CFAP47: variants seen among roughly 807,000 people sequenced by gnomAD.
CFAP47 encodes cilia and flagella associated protein 47, also known as cilia- and flagella-associated protein 47.
In CFAP47, 29 loss-of-function variants were observed where a neutral mutation model predicts 148.1. The observed-to-expected ratio is 0.20, with a 90% confidence interval of 0.15 to 0.27. The LOEUF (loss-of-function observed/expected upper bound fraction) is 0.27. Ranked by LOEUF, CFAP47 falls within the 10% of genes least tolerant of loss-of-function variation. The pLI, the probability that CFAP47 is intolerant of heterozygous loss-of-function variation, is 1.00. For missense variants in CFAP47, 1,872 were observed against 1,697.5 expected, an observed-to-expected ratio of 1.10 and a Z score of -1.81; for synonymous variants, 664 against 577.3, an observed-to-expected ratio of 1.15 and a Z score of -2.15.
intron 42 of CFAP47, among the ~76,000 whole-genome samples, chrX:36,196,401 C>T (rs1280730686): frequency 5.4e-5 from 6 of 110,783 alleles, no homozygotes; most frequent in African/African-American, 9.8e-5. Context: ...GGGAAAGATC[C>T]GAACCCAAAA....
At chrX:36,246,859 C>T (rs1466712695) in intron 48 of CFAP47, among the ~76,000 whole-genome samples, 1 of 111,307 alleles carries the variant, frequency 9.0e-6, no homozygotes, top group Admixed American at 9.6e-5. Flanking sequence ...CTTTGGGTAG[C>T]ATTTTGGAGA....
intron 48 of CFAP47, among the ~76,000 whole-genome samples, chrX:36,240,132 G>A: frequency 8.9e-6 from 1 of 111,780 alleles, no homozygotes; most frequent in Admixed American, 9.5e-5. Context: ...CAAACCATTA[G>A]GAGGGGATGA....
intron 61 of CFAP47, among the ~76,000 whole-genome samples, chrX:36,365,333 A>T (rs2146993477): frequency 9.0e-6 from 1 of 110,730 alleles, no homozygotes; most frequent in Admixed American, 9.7e-5. Flanking sequence ...ACATTTTAAA[A>T]TTTTACTCCC....
intron 22 of CFAP47, among the ~76,000 whole-genome samples, chrX:36,028,584 C>T (rs1426350638): frequency 9.0e-6 from 1 of 110,836 alleles, no homozygotes; most frequent in Non-Finnish European, 1.9e-5. Flanking sequence ...TCTTTTACTT[C>T]CTTGGTTAGT....
At chrX:36,279,779 A>T (rs1201433170) in intron 49 of CFAP47, among the ~76,000 whole-genome samples, 1 of 111,156 alleles carries the variant, frequency 9.0e-6, no homozygotes, top group East Asian at 2.8e-4. Context: ...ATCTCAGCTC[A>T]CTGCAACTTC....
intron 4 of CFAP47, among the ~76,000 whole-genome samples, 160 bp from the exon 5 acceptor site, chrX:35,950,971 C>G (rs778305170): frequency 1.9e-4 from 21 of 111,462 alleles, no homozygotes; most frequent in Non-Finnish European, 3.2e-4. Context: ...ACCTGATAAC[C>G]TCTGGTATGT....
chrX:36,182,340 GT>G (rs912414142), intron 40 of CFAP47, among the ~76,000 whole-genome samples: 8 of 111,580 alleles, frequency 7.2e-5, no homozygotes, highest in Non-Finnish European at 1.1e-4. Flanking sequence ...TTAGGGTTTT[GT>G]CGGTGAGGAG....
rs1601964067 is a variant in CFAP47 at position 36,077,931 on chromosome X, A to C, written c.4691+4567A>C. 2.7e-5 allele frequency among the ~76,000 whole-genome samples: 3 copies of C among 110,988 alleles called. No individual in the cohort carries two copies. In the South Asian group the frequency reaches 1.2e-3, roughly 43 times the overall value. On this transcript the variant is annotated intron_variant, in intron 29 of 63. Transcript: ENST00000378653. ...ATAGTCTCAGCTACTAGGGAGGCTG[A>C]GGCAGGAGAATTTATTGAACCCATG...
intron 42 of CFAP47, among the ~76,000 whole-genome samples, chrX:36,196,548 A>G (rs1939922897): frequency 9.0e-6 from 1 of 111,241 alleles, no homozygotes; most frequent in South Asian, 3.7e-4. Flanking sequence ...TACCCAGCTA[A>G]TTAGTGGCAG....
intron 19 of CFAP47, 105 bp from the exon 20 acceptor site, chrX:36,000,178 G>T (rs1936897531): frequency 3.9e-6 from 1 of 259,367 alleles, no homozygotes. Flanking sequence ...ATAGGGTTCT[G>T]CTTTGTAGTT....
At chrX:36,171,983 G>C (rs1939586968) in intron 39 of CFAP47, among the ~76,000 whole-genome samples, 1 of 109,740 alleles carries the variant, frequency 9.1e-6, no homozygotes, top group African/African-American at 3.3e-5. Flanking sequence ...TTGAGAAGTG[G>C]TTTGTAGTTC....
intron 46 of CFAP47, among the ~76,000 whole-genome samples, chrX:36,233,273 G>T (rs1460486684): frequency 9.0e-6 from 1 of 111,464 alleles, no homozygotes; most frequent in African/African-American, 3.3e-5. Context: ...GGTCACTCAG[G>T]ACTGGCTTTA....
chrX:36,210,742 G>C (rs1555989372), intron 45 of CFAP47, among the ~76,000 whole-genome samples: 1 of 111,812 alleles, frequency 8.9e-6, no homozygotes, highest in Non-Finnish European at 1.9e-5. Context: ...TGTTGTTCTT[G>C]TTGCTCTTGC....
At chrX:36,005,700 GA>G (rs1231933031) in intron 21 of CFAP47, among the ~76,000 whole-genome samples, 1 of 111,984 alleles carries the variant, frequency 8.9e-6, no homozygotes, top group African/African-American at 3.2e-5. Flanking sequence ...ATGGTGAAAT[GA>G]GGGGAATGCT....
intron 51 of CFAP47, among the ~76,000 whole-genome samples, chrX:36,287,757 C>G (rs1221251676): frequency 9.0e-6 from 1 of 111,661 alleles, no homozygotes. Context: ...TCTCACGTTT[C>G]TAGTCGTAAT....
intron 15 of CFAP47, among the ~76,000 whole-genome samples, chrX:35,981,661 C>T (rs1936646984): frequency 9.0e-6 from 1 of 111,269 alleles, no homozygotes; most frequent in Non-Finnish European, 1.9e-5. Context: ...AGTTTTCAAT[C>T]CTCACCCTCC....
intron 37 of CFAP47, among the ~76,000 whole-genome samples, chrX:36,151,338 A>G (rs1331353063): frequency 8.9e-6 from 1 of 112,065 alleles, no homozygotes; most frequent in Non-Finnish European, 1.9e-5. Flanking sequence ...TTATTATAAC[A>G]TATGCATACT....
chrX:36,149,781 G>A (rs1296938603), intron 37 of CFAP47, among the ~76,000 whole-genome samples: 9 of 107,431 alleles, frequency 8.4e-5, no homozygotes, highest in African/African-American at 2.7e-4. Context: ...GCTAATTTTT[G>A]TATTTTTAGT....
intron 15 of CFAP47, among the ~76,000 whole-genome samples, chrX:35,980,583 C>A (rs1385519478): frequency 1.8e-5 from 2 of 111,893 alleles, no homozygotes; most frequent in East Asian, 5.6e-4. Flanking sequence ...GAAGTTTCCT[C>A]TAGCTTTTTG....
Sources: allele counts gnomAD v4.1 joint callset (sites outside exome capture counted in the v4.1 genomes callset), GRCh38; gene constraint gnomAD v4.1.1; transcripts MANE v1.5; gene names NCBI Gene and HGNC (gene_info 2026-07-23, HGNC 2026-07-21).